The following PPIP5K2 variants were observed in gnomAD, a reference collection of about 807,000 sequenced individuals.
PPIP5K2 encodes diphosphoinositol pentakisphosphate kinase 2, also known as inositol hexakisphosphate and diphosphoinositol-pentakisphosphate kinase 2.
PPIP5K2 carries 105 observed loss-of-function variants against 154.6 expected under a neutral mutation model. The observed-to-expected ratio is 0.68, with a 90% confidence interval of 0.58 to 0.80. PPIP5K2 has a LOEUF of 0.80. Ranked by LOEUF, PPIP5K2 falls within the 30% of genes least tolerant of loss-of-function variation. PPIP5K2 has a pLI of 0.00. For synonymous variants in PPIP5K2, 480 were observed against 490.3 expected (o/e 0.98, Z 0.28); for missense variants, 992 against 1,504.6 (o/e 0.66, Z 5.64).
At chr5:103,184,538 G>C (rs561402353) in intron 25 of PPIP5K2, 134 bp from the exon 26 acceptor site, 5 of 626,504 alleles carry the variant, frequency 8.0e-6, no homozygotes, top group African/African-American at 7.4e-5. Context: ...GATCTTTCAT[G>C]TTTTATGTAT....
intron 30 of PPIP5K2, among the ~76,000 whole-genome samples, chr5:103,197,048 A>T (rs1412094883): frequency 6.6e-6 from 1 of 152,206 alleles, no homozygotes; most frequent in Non-Finnish European, 1.5e-5. Flanking sequence ...GTTAAGATAG[A>T]AAAATGCTGA....
At position 103,159,471 on chromosome 5, in the gene PPIP5K2, G is replaced by A. The variant is rs1795893115; in HGVS notation, c.1920+143G>A. The A allele has an allele frequency of 9.2e-6, 7 of 761,534 alleles. No individual in the cohort carries two copies. In the East Asian group the frequency reaches 2.3e-4, roughly 25 times the overall value. The allele number at this position is 761,534 out of a possible 1,614,324, so 47.2% of individuals were successfully genotyped here. ...CCTCCAGGTAAAGAAATAGAACATTGGAACAACTTTGGCTTCTGTATGCCC... is the reference window on the plus strand; with the variant it reads ...CCTCCAGGTAAAGAAATAGAACATTAGAACAACTTTGGCTTCTGTATGCCC... On this transcript the variant is annotated intron_variant, in intron 17 of 30. Coordinates refer to ENST00000358359, the MANE Select transcript of PPIP5K2 (RefSeq NM_001276277.3).
intron 23 of PPIP5K2, among the ~76,000 whole-genome samples, chr5:103,179,356 G>C (rs1799165531): frequency 6.6e-6 from 1 of 151,944 alleles, no homozygotes; most frequent in Admixed American, 6.6e-5. Flanking sequence ...GTGTTTTACT[G>C]TATTACTATG....
At chr5:103,183,176 CTTTTT>C (rs781952635) in intron 24 of PPIP5K2, 53 bp from the exon 25 acceptor site, 17 of 539,138 alleles carry the variant, frequency 3.2e-5, no homozygotes, top group East Asian at 1.0e-4. Context: ...GCATGCTCTG[CTTTTT>C]TTTTTTTTTT....
At chr5:103,145,062 G>GA (rs200742889) in intron 5 of PPIP5K2, among the ~76,000 whole-genome samples, 235 of 149,168 alleles carry the variant, frequency 1.6e-3, no homozygotes, top group South Asian at 2.7e-3. Flanking sequence ...AGCTCTATAG[G>GA]AAAAAAAAAA....
intron 3 of PPIP5K2, among the ~76,000 whole-genome samples, chr5:103,135,091 A>G (rs1485712908): frequency 6.6e-6 from 1 of 152,162 alleles, no homozygotes; most frequent in Non-Finnish European, 1.5e-5. Flanking sequence ...AAAGTTATGT[A>G]TGCTTGCTGA....
chr5:103,172,425 C>A (rs1798105613), intron 19 of PPIP5K2, among the ~76,000 whole-genome samples: 1 of 150,996 alleles, frequency 6.6e-6, no homozygotes, highest in Non-Finnish European at 1.5e-5. Context: ...GTTGAAATAT[C>A]CTAGAATGAA....
intron 1 of PPIP5K2, among the ~76,000 whole-genome samples, chr5:103,124,463 G>T (rs1271519570): frequency 6.6e-6 from 1 of 152,024 alleles, no homozygotes; most frequent in Non-Finnish European, 1.5e-5. Flanking sequence ...ACAGACCTGG[G>T]TTTGACTTCC....
At chr5:103,167,554 A>T (rs987021837) in intron 18 of PPIP5K2, among the ~76,000 whole-genome samples, 1 of 152,000 alleles carries the variant, frequency 6.6e-6, no homozygotes, top group Non-Finnish European at 1.5e-5. Context: ...ATTATGCAGC[A>T]TTGCTATATA....
intron 30 of PPIP5K2, 119 bp downstream of exon 30, chr5:103,195,144 GATCC>G: frequency 8.0e-7 from 1 of 1,243,458 alleles, no homozygotes; most frequent in Non-Finnish European, 1.1e-6. Context: ...AGAGCGTAAT[GATCC>G]TAAGGGTTAA....
In PPIP5K2 at chr5:103,133,632, T is replaced by A; in HGVS notation, c.294T>A (p.Ile98=). The A allele has an allele frequency of 6.2e-7, 1 of 1,603,842 alleles. No homozygotes were observed. The highest frequency in any genetic ancestry group is 1.8e-5 in the Admixed American group (1 of 57,116). Residue 98 remains isoleucine (I), a synonymous_variant, in exon 3 of 31, where the codon ATT becomes ATA. Transcript: ENST00000358359. ...ACTGGCCTTTATGTGATTGTCTTAT[T>A]TCTTTCCATTCTAAAGGTATTAAGG... ...VENWPLCDCL[I]SFHSKGFPLD...
intron 27 of PPIP5K2, 123 bp from the exon 28 acceptor site, chr5:103,187,191 C>G: frequency 1.5e-6 from 1 of 664,782 alleles, no homozygotes; most frequent in South Asian, 1.9e-5. Flanking sequence ...ATTACATTCT[C>G]TCATTGTCCC....
chr5:103,134,780 G>C (rs181011621), intron 3 of PPIP5K2, among the ~76,000 whole-genome samples: 116 of 152,274 alleles, frequency 7.6e-4, no homozygotes, highest in African/African-American at 2.6e-3. Flanking sequence ...TTTTCTATTT[G>C]CTGAATTCTG....
chr5:103,140,836 C>CAAAAA (rs34150862), intron 5 of PPIP5K2, among the ~76,000 whole-genome samples: 4 of 88,170 alleles, frequency 4.5e-5, no homozygotes, highest in Non-Finnish European at 9.7e-5. Context: ...GACTCCGTCT[C>CAAAAA]AAAAAAAAAA....
intron 30 of PPIP5K2, among the ~76,000 whole-genome samples, chr5:103,199,676 A>G (rs1381723258): frequency 6.8e-6 from 1 of 148,004 alleles, no homozygotes; most frequent in Non-Finnish European, 1.5e-5. Context: ...GTTGATGTTG[A>G]TTTGGTTGAT....
At chr5:103,126,533 T>C (rs1437664486) in intron 1 of PPIP5K2, among the ~76,000 whole-genome samples, 1 of 152,178 alleles carries the variant, frequency 6.6e-6, no homozygotes, top group Admixed American at 6.5e-5. Flanking sequence ...ATAGGATAGA[T>C]ATAGCTACAA....
At chr5:103,190,433 C>G (rs1580444970) in intron 28 of PPIP5K2, among the ~76,000 whole-genome samples, 1 of 151,958 alleles carries the variant, frequency 6.6e-6, no homozygotes, top group Non-Finnish European at 1.5e-5. Flanking sequence ...AATTTTTCAA[C>G]AAGAACTTAC....
chr5:103,156,043 T>A (rs1554213259), intron 14 of PPIP5K2, 49 bp downstream of exon 14: 1 of 1,236,072 alleles, frequency 8.1e-7, no homozygotes, highest in African/African-American at 1.5e-5. Context: ...TAGTAACTTG[T>A]TATTCACTGT....
At chr5:103,192,683 A>G (rs1554227297) in intron 29 of PPIP5K2, among the ~76,000 whole-genome samples, 3 of 152,088 alleles carry the variant, frequency 2.0e-5, no homozygotes, top group African/African-American at 7.2e-5. Flanking sequence ...CTCTTGATGG[A>G]TTCATTTTGT....
Sources: allele counts gnomAD v4.1 joint callset (sites outside exome capture counted in the v4.1 genomes callset), GRCh38; gene constraint gnomAD v4.1.1; transcripts MANE v1.5; gene names NCBI Gene and HGNC (gene_info 2026-07-23, HGNC 2026-07-21).